Variants in NUP214 observed in about 807,000 individuals in gnomAD.
NUP214 encodes the protein nuclear pore complex protein Nup214.
A neutral mutation model predicts 196.2 loss-of-function variants in NUP214; 79 were observed. That is an observed-to-expected ratio of 0.40 (90% CI 0.34 to 0.49). The LOEUF (loss-of-function observed/expected upper bound fraction) is 0.49. Ranked by LOEUF, NUP214 falls within the 20% of genes least tolerant of loss-of-function variation. NUP214 has a pLI of 0.58. For missense variants in NUP214, 2,468 were observed against 2,539.0 expected (o/e 0.97, Z 0.60); for synonymous variants, 1,020 against 990.5 (o/e 1.03, Z -0.56).
intron 11 of NUP214, among the ~76,000 whole-genome samples, chr9:131,143,190 G>A (rs1588128969): frequency 6.6e-6 from 1 of 151,944 alleles, no homozygotes; most frequent in East Asian, 1.9e-4. Flanking sequence ...TATTTTTTTT[G>A]TAGCAACAGG....
Position 131,136,011 on chromosome 9 carries a change from A to G in NUP214, c.1005+5A>G. 9 of 1,610,072 alleles carry G rather than the reference A, an allele frequency of 5.6e-6. No homozygotes were observed. The highest frequency in any genetic ancestry group is 7.6e-6 in the Non-Finnish European group (9 of 1,176,594). ...CTTGCTCGACAAAGTGATCAGGTAA[A>G]TCTCTTTTTTGTCACTTCTGTGGTG... On this transcript the variant is annotated splice_donor_5th_base_variant and intron_variant, in intron 9 of 35. Transcript: ENST00000359428.
chr9:131,169,603 A>G (rs1832897143), intron 21 of NUP214, among the ~76,000 whole-genome samples: 1 of 152,244 alleles, frequency 6.6e-6, no homozygotes, highest in Non-Finnish European at 1.5e-5. Flanking sequence ...GTAATGGCAA[A>G]CACGTATAAA....
At chr9:131,174,389 G>C in intron 22 of NUP214, 71 bp downstream of exon 22, 2 of 1,473,776 alleles carry the variant, frequency 1.4e-6, no homozygotes, top group Non-Finnish European at 1.8e-6. Context: ...ATTGTAACTG[G>C]GTCTTATACT....
intron 30 of NUP214, among the ~76,000 whole-genome samples, chr9:131,213,033 CTGT>C (rs920757532): frequency 3.3e-5 from 5 of 152,054 alleles, no homozygotes; most frequent in Non-Finnish European, 5.9e-5. Context: ...GTTTTAAAGC[CTGT>C]TGTTATTTAT....
At chr9:131,204,464 A>G (rs976869863) in intron 30 of NUP214, among the ~76,000 whole-genome samples, 9 of 152,118 alleles carry the variant, frequency 5.9e-5, no homozygotes, top group Non-Finnish European at 1.2e-4. Context: ...CCTCTGTCAG[A>G]AGCACTTAAC....
In NUP214 at chr9:131,130,800, G is replaced by A. The variant is rs774813546; in HGVS notation, c.627G>A (p.Val209=). ...CWSPKGKQLA[V]GKQNGTVVQY... is the part of the protein sequence containing the mutation. ...GCCCCAAAGGAAAGCAGCTGGCAGTGGGAAAACAGAATGGAACTGTGGTCC... is the reference window on the plus strand; with the variant it reads ...GCCCCAAAGGAAAGCAGCTGGCAGTAGGAAAACAGAATGGAACTGTGGTCC... The change falls in exon 5 of 36, where the codon GTG becomes GTA. Residue 209 remains valine, a synonymous_variant. Coordinates refer to ENST00000359428, the MANE Select transcript of NUP214 (RefSeq NM_005085.4). 6.2e-7 allele frequency: 1 copy of A among 1,614,114 alleles called. No homozygotes were observed. The highest frequency in any genetic ancestry group is 8.5e-7 in the Non-Finnish European group (1 of 1,180,018).
At chr9:131,130,625 TCCAC>T in intron 4 of NUP214, 137 bp from the exon 5 acceptor site, 2 of 725,682 alleles carry the variant, frequency 2.8e-6, no homozygotes, top group South Asian at 1.9e-5. Flanking sequence ...TTTACTTTTT[TCCAC>T]TTTGCCTGAT....
rs3808807 is a variant in NUP214 at position 131,160,684 on chromosome 9, A to G, written c.2540+1198A>G. On this transcript the variant is annotated intron_variant, in intron 18 of 35. Coordinates refer to ENST00000359428, the MANE Select transcript of NUP214 (RefSeq NM_005085.4). ...TTCAGTGGGACAACCTGGGTGTGAT[A>G]TCAGGGACAGGACTATAATATGCTT... Among the ~76,000 whole-genome samples the G allele has an allele frequency of 3.3e-5, 5 of 152,352 alleles. No homozygotes were observed. In the East Asian group the frequency reaches 9.6e-4, roughly 29 times the overall value.
intron 19 of NUP214, 98 bp downstream of exon 19, chr9:131,163,271 T>C: frequency 1.7e-6 from 2 of 1,204,506 alleles, no homozygotes; most frequent in Non-Finnish European, 2.3e-6. Context: ...CAAGTGACTC[T>C]GTGTCTCTCA....
chr9:131,144,481 C>T lies in NUP214; in HGVS notation c.1496C>T (p.Pro499Leu), dbSNP rs1832021186. ...LKSSATVTGE[P>L]PSYSSGSDSS... ...TCATCTGCTACGGTCACTGGGGAGC[C>T]CCCTTCATATTCCAGTGGCTCCGAC... The change falls in exon 12 of 36, where the codon CCC (proline) becomes CTC (leucine). Residue 499 changes from proline (P) to leucine (L), a missense_variant. Around this residue, in one of 5 missense-constraint regions of NUP214, gnomAD observed 1,801 missense variants for 1,779.4 expected, o/e 1.01. Transcript: ENST00000359428. The T allele has an allele frequency of 6.2e-7, 1 of 1,614,016 alleles. No individual in the cohort carries two copies. The highest frequency in any genetic ancestry group is 8.5e-7 in the Non-Finnish European group (1 of 1,180,036).
intron 24 of NUP214, among the ~76,000 whole-genome samples, chr9:131,182,936 C>T (rs778538854): frequency 6.6e-6 from 1 of 152,158 alleles, no homozygotes; most frequent in Non-Finnish European, 1.5e-5. Context: ...CACAGACTGT[C>T]TTCAAGTGAT....
intron 21 of NUP214, among the ~76,000 whole-genome samples, 165 bp from the exon 22 acceptor site, chr9:131,173,890 A>C (rs1833025131): frequency 6.6e-6 from 1 of 151,946 alleles, no homozygotes; most frequent in African/African-American, 2.4e-5. Context: ...AAGACCCAAA[A>C]CCATTTTTGT....
At chr9:131,170,628 G>A (rs891888103) in intron 21 of NUP214, among the ~76,000 whole-genome samples, 1 of 151,840 alleles carries the variant, frequency 6.6e-6, no homozygotes, top group Non-Finnish European at 1.5e-5. Context: ...ATGTAGTATC[G>A]AGAAATACCA....
intron 31 of NUP214, among the ~76,000 whole-genome samples, chr9:131,219,469 A>G (rs916537690): frequency 6.6e-6 from 1 of 152,234 alleles, no homozygotes; most frequent in African/African-American, 2.4e-5. Context: ...CGTGAGAACT[A>G]TAACAATGAC....
intron 29 of NUP214, 97 bp from the exon 30 acceptor site, chr9:131,201,550 C>G: frequency 1.1e-6 from 1 of 913,996 alleles, no homozygotes; most frequent in African/African-American, 1.8e-5. Context: ...GGTGACAGAG[C>G]GAGACTCTGC....
chr9:131,134,815 G>A, intron 7 of NUP214, 83 bp from the exon 8 acceptor site: 1 of 835,770 alleles, frequency 1.2e-6, no homozygotes, highest in Admixed American at 2.1e-5. Context: ...AACTTTAAAT[G>A]ATTTATTATT....
At chr9:131,137,864 T>G (rs1248227994) in intron 9 of NUP214, among the ~76,000 whole-genome samples, 2 of 152,154 alleles carry the variant, frequency 1.3e-5, no homozygotes, top group Non-Finnish European at 2.9e-5. Context: ...TGATAACTCT[T>G]GATCTTCCAC....
intron 19 of NUP214, among the ~76,000 whole-genome samples, 180 bp from the exon 20 acceptor site, chr9:131,163,690 A>T (rs560430228): frequency 6.6e-6 from 1 of 152,192 alleles, no homozygotes; most frequent in East Asian, 1.9e-4. Context: ...TGGAGATGGT[A>T]TATAATATGA....
intron 11 of NUP214, 108 bp downstream of exon 11, chr9:131,140,818 C>A: frequency 8.7e-7 from 1 of 1,154,852 alleles, no homozygotes; most frequent in Non-Finnish European, 1.2e-6. Flanking sequence ...TCTTTACCAG[C>A]CTGGTCTGTC....
Sources: allele counts gnomAD v4.1 joint callset (sites outside exome capture counted in the v4.1 genomes callset), GRCh38; gene constraint gnomAD v4.1.1; regional missense constraint gnomAD v4.1.1; transcripts MANE v1.5; gene names NCBI Gene and HGNC (gene_info 2026-07-23, HGNC 2026-07-21).